APBA2: variants seen among roughly 807,000 people sequenced by gnomAD.
APBA2 encodes the protein amyloid beta precursor protein binding family A member 2, also known as amyloid-beta A4 precursor protein-binding family A member 2.
In APBA2, 30 loss-of-function variants were observed where a neutral mutation model predicts 75.0. The observed-to-expected ratio is 0.40, with a 90% CI of 0.30 to 0.54. APBA2 has a LOEUF of 0.54. Among genes scored for constraint, APBA2 ranks in the 20% least tolerant of loss-of-function variants. APBA2 has a pLI of 0.49. For missense variants in APBA2, 801 were observed against 1,016.1 expected (o/e 0.79, Z 2.88); for synonymous variants, 444 against 409.6 (o/e 1.08, Z -1.01).
rs147718649 is a variant in APBA2, at chr15:29,072,967, C to T, written c.952-1954C>T. 2.1e-3 allele frequency among the ~76,000 whole-genome samples: 315 copies of T among 152,286 alleles called. 1 individual carries two copies. Among genetic ancestry groups the T allele is most frequent in the Middle Eastern group, 0.014 (4 of 294 alleles). ...CTTCTCCCTCGCCATCCTTAAAGCC[C>T]GGTGCCCGCTCCCCTGCATCCCCCA... On this transcript the variant is annotated intron_variant, in intron 4 of 14. Transcript: ENST00000683413.
intron 3 of APBA2, among the ~76,000 whole-genome samples, chr15:29,017,397 C>CTTTTTTTTTTTTTTTTTTTTTTT (rs56993296): frequency 9.8e-6 from 1 of 102,086 alleles, no homozygotes; most frequent in Non-Finnish European, 1.8e-5. Context: ...TTCTTTCTTT[C>CTTTTTTTTTTTTTTTTTTTTTTT]TTTTTTTTTT....
At chr15:29,007,687 C>T (rs2039192522) in intron 3 of APBA2, among the ~76,000 whole-genome samples, 1 of 152,134 alleles carries the variant, frequency 6.6e-6, no homozygotes, top group Admixed American at 6.5e-5. Context: ...CACCTCATAT[C>T]TATTAGGCCG....
chr15:28,997,844 T>C (rs1171569554), intron 3 of APBA2, among the ~76,000 whole-genome samples: 1 of 152,190 alleles, frequency 6.6e-6, no homozygotes, highest in East Asian at 1.9e-4. Flanking sequence ...GGTGCTGGGC[T>C]CTCTTCCCAA....
chr15:29,075,941 T>C, intron 5 of APBA2, 114 bp from the exon 6 acceptor site: 1 of 917,846 alleles, frequency 1.1e-6, no homozygotes, highest in East Asian at 2.4e-5. Flanking sequence ...CCATCACTCA[T>C]GGGGGGTTTG....
chr15:28,994,111 C>T (rs781061366), intron 2 of APBA2, among the ~76,000 whole-genome samples: 3 of 152,136 alleles, frequency 2.0e-5, no homozygotes, highest in Non-Finnish European at 4.4e-5. Context: ...CCGCAGATGG[C>T]GAGCTTAGGA....
intron 4 of APBA2, among the ~76,000 whole-genome samples, chr15:29,059,397 C>T (rs1419227090): frequency 2.0e-5 from 3 of 152,178 alleles, no homozygotes; most frequent in East Asian, 3.9e-4. Context: ...AAGTAAACTT[C>T]TGTAGCGTAT....
At chr15:28,955,734 G>A (rs1224515376) in intron 2 of APBA2, among the ~76,000 whole-genome samples, 1 of 146,328 alleles carries the variant, frequency 6.8e-6, no homozygotes, top group Admixed American at 6.6e-5. Context: ...TAGAAAGGGT[G>A]TTCATCAAAG....
chr15:28,961,443 C>G (rs2036466404), intron 2 of APBA2: 1 of 152,136 alleles, frequency 6.6e-6, no homozygotes, highest in Admixed American at 6.5e-5. Context: ...GTCCTCCGTG[C>G]TGACGGAGGG....
At position 29,048,352 on chromosome 15, in the gene APBA2, G is replaced by GA. The variant is rs777062710; in HGVS notation, c.-40-5484dup. Reference sequence around the variant, plus strand: ...GACAGAGCGAGACCTTGTCTCAAAAGAAAAAAAAATTCCCTAAAGTAATTT... The same window carrying GA: ...GACAGAGCGAGACCTTGTCTCAAAAGAAAAAAAAAATTCCCTAAAGTAATTT... On this transcript the variant is annotated intron_variant, in intron 3 of 14. Transcript: ENST00000683413. Among the ~76,000 whole-genome samples the GA allele has an allele frequency of 8.0e-5, 12 of 150,796 alleles. No homozygotes were observed. The East Asian group carries it at 1.2e-3, about 15-fold the overall frequency.
At chr15:28,923,411 A>T (rs2152674734) in intron 2 of APBA2, among the ~76,000 whole-genome samples, 1 of 151,912 alleles carries the variant, frequency 6.6e-6, no homozygotes, top group East Asian at 1.9e-4. Context: ...CCTAACCCTA[A>T]CTCTGATATA....
At chr15:29,001,887 G>A (rs150321923) in intron 3 of APBA2, among the ~76,000 whole-genome samples, 1 of 152,308 alleles carries the variant, frequency 6.6e-6, no homozygotes, top group East Asian at 1.9e-4. Flanking sequence ...TGAAAGAGAA[G>A]TTAGCCATTT....
intron 1 of APBA2, among the ~76,000 whole-genome samples, chr15:28,911,157 T>C (rs570824437): frequency 7.6e-4 from 116 of 152,320 alleles, no homozygotes; most frequent in African/African-American, 2.7e-3. Flanking sequence ...CAGAAGGTTT[T>C]CTCTTCGTGG....
intron 1 of APBA2, among the ~76,000 whole-genome samples, chr15:28,898,584 G>C (rs969633629): frequency 1.3e-5 from 2 of 152,302 alleles, no homozygotes; most frequent in East Asian, 1.9e-4. Context: ...GGAGGCCCAG[G>C]GGGAGGGAAG....
At chr15:29,071,801 C>T (rs1475552114) in intron 4 of APBA2, among the ~76,000 whole-genome samples, 1 of 151,660 alleles carries the variant, frequency 6.6e-6, no homozygotes, top group Non-Finnish European at 1.5e-5. Context: ...GTCATGGTGA[C>T]AAGTGGACAC....
At chr15:28,892,232 G>A (rs1304212151) in intron 1 of APBA2, among the ~76,000 whole-genome samples, 2 of 152,104 alleles carry the variant, frequency 1.3e-5, no homozygotes, top group African/African-American at 2.4e-5. Context: ...CTGCCACCAC[G>A]CCTGGTTAAT....
At chr15:29,088,488 C>T (rs978020549) in intron 6 of APBA2, among the ~76,000 whole-genome samples, 1 of 152,178 alleles carries the variant, frequency 6.6e-6, no homozygotes, top group East Asian at 1.9e-4. Flanking sequence ...CCATCGAGCT[C>T]TGCAACCATT....
chr15:28,974,149 G>A (rs1377114791), intron 2 of APBA2, among the ~76,000 whole-genome samples: 1 of 152,168 alleles, frequency 6.6e-6, no homozygotes, highest in Non-Finnish European at 1.5e-5. Context: ...ACAGGAGGGT[G>A]TATAGCAATG....
intron 1 of APBA2, among the ~76,000 whole-genome samples, chr15:28,896,425 G>T (rs1258059036): frequency 6.6e-6 from 1 of 152,044 alleles, no homozygotes; most frequent in Non-Finnish European, 1.5e-5. Context: ...GACTACAGGC[G>T]CCCGCCACCA....
intron 1 of APBA2, among the ~76,000 whole-genome samples, chr15:28,908,260 C>T (rs1366454664): frequency 6.6e-6 from 1 of 152,048 alleles, no homozygotes; most frequent in African/African-American, 2.4e-5. Flanking sequence ...CCTGTCACTC[C>T]CTGATGGAGC....
Sources: gnomAD v4.1 joint callset for allele counts (sites outside exome capture counted in the v4.1 genomes callset) on GRCh38, gnomAD v4.1.1 for gene constraint, MANE v1.5 for transcripts, NCBI Gene and HGNC (gene_info 2026-07-23, HGNC 2026-07-21) for gene names.